ROBO2: variants seen among roughly 807,000 people sequenced by gnomAD.
ROBO2 encodes roundabout homolog 2.
In ROBO2, 53 loss-of-function variants were observed where a neutral mutation model predicts 160.8. That is an observed-to-expected ratio of 0.33 (90% confidence interval 0.26 to 0.41). The LOEUF (loss-of-function observed/expected upper bound fraction) is 0.41. Among genes scored for constraint, ROBO2 ranks in the 10% least tolerant of loss-of-function variants. ROBO2 has a pLI of 1.00. For synonymous variants in ROBO2, 664 were observed against 611.7 expected (o/e 1.09, Z -1.26); for missense variants, 1,577 against 1,722.4 (o/e 0.92, Z 1.49).
At chr3:77,106,182 A>G (rs2072771400) in intron 2 of ROBO2, among the ~76,000 whole-genome samples, 1 of 152,024 alleles carries the variant, frequency 6.6e-6, no homozygotes, top group Non-Finnish European at 1.5e-5. Context: ...AGCTGGGACT[A>G]CAGGCAGGTG....
chr3:75,914,993 G>A (rs1946750619), intron 1 of ROBO2, among the ~76,000 whole-genome samples: 1 of 152,182 alleles, frequency 6.6e-6, no homozygotes, highest in Non-Finnish European at 1.5e-5. Context: ...TTTGACTGTG[G>A]AAACAAGTGT....
intron 2 of ROBO2, among the ~76,000 whole-genome samples, chr3:76,157,975 A>G (rs1446712329): frequency 1.3e-5 from 2 of 152,146 alleles, no homozygotes; most frequent in Non-Finnish European, 2.9e-5. Flanking sequence ...AGATCAGAAA[A>G]TGCCTTTAAT....
chr3:76,243,405 T>C (rs191344058), intron 2 of ROBO2, among the ~76,000 whole-genome samples: 1 of 152,350 alleles, frequency 6.6e-6, no homozygotes, highest in Non-Finnish European at 1.5e-5. Flanking sequence ...TTTTGTTTTG[T>C]CTTGGTAAAG....
intron 2 of ROBO2, among the ~76,000 whole-genome samples, chr3:76,807,644 CATT>C (rs2064834957): frequency 6.6e-6 from 1 of 151,936 alleles, no homozygotes. Flanking sequence ...TTTTGAATAA[CATT>C]CCCATGAAAA....
At chr3:77,416,606 A>C (rs1200868572) in intron 2 of ROBO2, among the ~76,000 whole-genome samples, 1 of 151,346 alleles carries the variant, frequency 6.6e-6, no homozygotes, top group Non-Finnish European at 1.5e-5. Context: ...AATCCCAGCT[A>C]CTCAGGAGGC....
chr3:77,526,997 TATTTAAATCA>T (rs1190499879), intron 6 of ROBO2, among the ~76,000 whole-genome samples: 11 of 151,482 alleles, frequency 7.3e-5, no homozygotes, highest in African/African-American at 2.7e-4. Context: ...ATCCAATTGC[TATTTAAATCA>T]GACAGCGAGG....
chr3:76,306,516 T>TA, intron 2 of ROBO2, among the ~76,000 whole-genome samples: 1 of 152,286 alleles, frequency 6.6e-6, no homozygotes. Flanking sequence ...AATGAATATA[T>TA]ATAATTATGG....
intron 2 of ROBO2, among the ~76,000 whole-genome samples, chr3:76,297,180 A>G (rs1178014050): frequency 6.6e-6 from 1 of 152,212 alleles, no homozygotes; most frequent in African/African-American, 2.4e-5. Context: ...AATGTTATGG[A>G]GAAAATGCAG....
intron 21 of ROBO2, among the ~76,000 whole-genome samples, chr3:77,609,059 TATATATAC>T (rs1338426090): frequency 2.0e-5 from 3 of 151,596 alleles, no homozygotes; most frequent in African/African-American, 7.2e-5. Context: ...TAAAATAAAA[TATATATAC>T]ATATATGCTC....
intron 2 of ROBO2, among the ~76,000 whole-genome samples, chr3:76,311,761 G>A (rs940391880): frequency 7.9e-5 from 12 of 152,158 alleles, no homozygotes; most frequent in African/African-American, 2.9e-4. Flanking sequence ...GAATATGCTA[G>A]ATCCCTGAAT....
At chr3:76,485,749 T>G (rs1387271696) in intron 2 of ROBO2, among the ~76,000 whole-genome samples, 1 of 152,192 alleles carries the variant, frequency 6.6e-6, no homozygotes, top group East Asian at 1.9e-4. Context: ...AAAATTTTGC[T>G]TTTTATAATT....
intron 2 of ROBO2, among the ~76,000 whole-genome samples, chr3:77,301,880 C>A (rs2062687604): frequency 6.9e-6 from 1 of 145,692 alleles, no homozygotes; most frequent in Admixed American, 6.9e-5. Context: ...CTTCAATTTC[C>A]TTTTTTTTTT....
At chr3:76,264,661 A>G (rs1199898760) in intron 2 of ROBO2, among the ~76,000 whole-genome samples, 1 of 152,118 alleles carries the variant, frequency 6.6e-6, no homozygotes, top group Non-Finnish European at 1.5e-5. Flanking sequence ...CAATTTTTTC[A>G]CTTTCAGAGG....
At chr3:76,834,978 A>C (rs1235953331) in intron 2 of ROBO2, among the ~76,000 whole-genome samples, 2 of 152,186 alleles carry the variant, frequency 1.3e-5, no homozygotes, top group East Asian at 3.8e-4. Context: ...AACTAAGTCT[A>C]TGCTTTCATG....
rs141364435 is a variant in ROBO2, at chr3:77,258,327, G to A, written c.388+159987G>A. On this transcript the variant is annotated intron_variant, in intron 2 of 25. Transcript: ENST00000461745. Reference sequence around the variant, plus strand: ...AGAAAATATACTAAATAACCTGTGAGAGAGGGAAATATGAGTGCTATAAAA... The same window carrying A: ...AGAAAATATACTAAATAACCTGTGAAAGAGGGAAATATGAGTGCTATAAAA... Among the ~76,000 whole-genome samples the A allele has an allele frequency of 1.4e-4, 21 of 152,334 alleles. 1 individual carries two copies. Among genetic ancestry groups the A allele is most frequent in the African/African-American group, 4.1e-4 (17 of 41,584 alleles).
intron 2 of ROBO2, among the ~76,000 whole-genome samples, chr3:76,871,015 C>T (rs190500060): frequency 3.4e-4 from 51 of 152,202 alleles, no homozygotes; most frequent in Middle Eastern, 3.4e-3. Flanking sequence ...ATAGAGACAA[C>T]GAACAACAAT....
chr3:77,429,652 G>A lies in ROBO2; in HGVS notation c.389-47762G>A, dbSNP rs544196873. Among the ~76,000 whole-genome samples the A allele has an allele frequency of 2.0e-5, 3 of 148,514 alleles. No individual in the cohort carries two copies. In the South Asian group the frequency reaches 6.4e-4, roughly 32 times the overall value. On this transcript the variant is annotated intron_variant, in intron 2 of 25. Coordinates refer to ENST00000461745, the Ensembl canonical transcript of ROBO2. Reference sequence around the variant, plus strand: ...TTAAATGCACTCAGTATTTCATGATGTTCAAATACTGAAAAGGAAATTCAT... The same window carrying A: ...TTAAATGCACTCAGTATTTCATGATATTCAAATACTGAAAAGGAAATTCAT...
chr3:77,034,276 G>A (rs1244407675), intron 2 of ROBO2, among the ~76,000 whole-genome samples: 5 of 150,294 alleles, frequency 3.3e-5, no homozygotes, highest in Admixed American at 2.7e-4. Context: ...TGTCACTTAC[G>A]GATGACAATG....
intron 2 of ROBO2, among the ~76,000 whole-genome samples, chr3:76,011,583 A>C (rs190768854): frequency 1.1e-3 from 160 of 152,314 alleles, no homozygotes; most frequent in African/African-American, 3.8e-3. Context: ...ATTCAGTTAC[A>C]AGGAAGTGAT....
Sources: gnomAD v4.1 joint callset for allele counts (sites outside exome capture counted in the v4.1 genomes callset) on GRCh38, gnomAD v4.1.1 for gene constraint, MANE v1.5 for transcripts, NCBI Gene and HGNC (gene_info 2026-07-23, HGNC 2026-07-21) for gene names.